Variants in TRHDE observed in about 807,000 individuals in gnomAD.
TRHDE encodes thyrotropin-releasing hormone-degrading ectoenzyme.
TRHDE carries 72 observed loss-of-function variants against 125.7 expected under a neutral mutation model. That is an observed-to-expected ratio of 0.57 (90% CI 0.47 to 0.70). The LOEUF (loss-of-function observed/expected upper bound fraction) is 0.70, where lower values mean the gene tolerates loss of function less well. Among genes scored for constraint, TRHDE ranks in the 30% least tolerant of loss-of-function variants. The pLI is 0.00. For synonymous variants in TRHDE, 509 were observed against 509.1 expected (o/e 1.00, Z 0.00); for missense variants, 1,110 against 1,327.1 (o/e 0.84, Z 2.54).
rs532340976 is a variant in TRHDE, at chr12:72,361,428, G to A, written c.1189-16567G>A. On this transcript the variant is annotated intron_variant, in intron 2 of 18. Transcript: ENST00000261180. ...ACATTTGTTGGAAAGATGCAATAAAGTGTAAAAGATAAAAAATATCCAAAG... is the reference window on the plus strand; with the variant it reads ...ACATTTGTTGGAAAGATGCAATAAAATGTAAAAGATAAAAAATATCCAAAG... Among the ~76,000 whole-genome samples, 5 of 151,824 alleles carry A rather than the reference G, an allele frequency of 3.3e-5. No homozygotes were observed. The South Asian group carries it at 1.0e-3, about 32-fold the overall frequency.
At chr12:72,161,183 C>G (rs1876628130) in intron 2 of TRHDE, among the ~76,000 whole-genome samples, 1 of 152,034 alleles carries the variant, frequency 6.6e-6, no homozygotes, top group South Asian at 2.1e-4. Flanking sequence ...ACCTGTAATC[C>G]CAGCACTTTG....
chr12:72,452,831 T>TC (rs559770289), intron 3 of TRHDE, among the ~76,000 whole-genome samples: 58 of 152,152 alleles, frequency 3.8e-4, no homozygotes, highest in Admixed American at 3.0e-3. Flanking sequence ...ACATGCCTAC[T>TC]CCCCCTTTGC....
chr12:72,623,107 A>T (rs931788971), intron 15 of TRHDE, among the ~76,000 whole-genome samples: 2 of 151,966 alleles, frequency 1.3e-5, no homozygotes, highest in African/African-American at 2.4e-5. Context: ...ACCTCCTTCA[A>T]TTCTACCACG....
Position 72,380,204 on chromosome 12 carries a change from C to T in TRHDE, c.1315+2083C>T, listed in dbSNP as rs116093744. On this transcript the variant is annotated intron_variant, in intron 3 of 18. Transcript: ENST00000261180. ...CCCTAATTTGATCTATAAGCATTTA[C>T]TGAGTGCCTACCGTGGACATTTTTC... Among the ~76,000 whole-genome samples, 656 of 152,280 alleles carry T rather than the reference C, an allele frequency of 4.3e-3. 2 individuals are homozygous for T. The highest frequency in any genetic ancestry group is 0.015 in the African/African-American group (606 of 41,562).
At chr12:72,613,766 G>C (rs1218046282) in intron 12 of TRHDE, among the ~76,000 whole-genome samples, 1 of 152,166 alleles carries the variant, frequency 6.6e-6, no homozygotes, top group Non-Finnish European at 1.5e-5. Flanking sequence ...AAGAGAAGGA[G>C]CAGAAGGAGG....
chr12:72,656,628 G>A (rs1386815412), intron 17 of TRHDE, among the ~76,000 whole-genome samples: 11 of 152,060 alleles, frequency 7.2e-5, no homozygotes, highest in Admixed American at 6.6e-4. Flanking sequence ...CCTTGGCTTG[G>A]AAATATACTG....
At chr12:72,128,089 T>C (rs1295959917) in intron 2 of TRHDE, among the ~76,000 whole-genome samples, 1 of 152,110 alleles carries the variant, frequency 6.6e-6, no homozygotes, top group Non-Finnish European at 1.5e-5. Flanking sequence ...AGCATATGTA[T>C]GAAGGAATTA....
chr12:72,245,246 T>C (rs915181526), intron 2 of TRHDE, among the ~76,000 whole-genome samples: 1 of 131,510 alleles, frequency 7.6e-6, no homozygotes, highest in Admixed American at 8.4e-5. Context: ...TGTGTGTATG[T>C]GTGTGTGTGT....
At chr12:72,260,101 C>T (rs1175440918) in intron 2 of TRHDE, among the ~76,000 whole-genome samples, 1 of 152,116 alleles carries the variant, frequency 6.6e-6, no homozygotes, top group Non-Finnish European at 1.5e-5. Flanking sequence ...TCCACAAAAT[C>T]ATGGTTTACT....
chr12:72,547,587 G>C (rs193000009), intron 7 of TRHDE, among the ~76,000 whole-genome samples: 13 of 151,834 alleles, frequency 8.6e-5, no homozygotes, highest in African/African-American at 2.9e-4. Flanking sequence ...ACAACTGTAG[G>C]ATCCTCATTC....
At position 72,267,176 on chromosome 12, in the gene TRHDE, G is replaced by T. The variant is rs374818708; in HGVS notation, n.280-110819G>T. 2.0e-5 allele frequency among the ~76,000 whole-genome samples: 3 copies of T among 152,048 alleles called. No homozygotes were observed. In the East Asian group the frequency reaches 5.8e-4, roughly 29 times the overall value. On this transcript the variant is annotated intron_variant and non_coding_transcript_variant, in intron 2 of 4. Transcript: ENST00000548156. ...TAATTTCTATTGTTTGTAGACTTTG[G>T]TCTATATTATGTTTGCAGGTTTCAT...
At chr12:72,253,897 G>A (rs1280108808) in intron 2 of TRHDE, 1 of 151,868 alleles carries the variant, frequency 6.6e-6, no homozygotes, top group African/African-American at 2.4e-5. Flanking sequence ...GGAAAGCCAG[G>A]TGTCAGTCAT....
chr12:72,260,046 C>A (rs960939398), intron 2 of TRHDE, among the ~76,000 whole-genome samples: 15 of 152,182 alleles, frequency 9.9e-5, no homozygotes, highest in Non-Finnish European at 2.2e-4. Flanking sequence ...ATGGCACATA[C>A]TTTCTATGCA....
intron 6 of TRHDE, among the ~76,000 whole-genome samples, chr12:72,520,142 G>A (rs1340487463): frequency 1.3e-5 from 2 of 152,214 alleles, no homozygotes; most frequent in East Asian, 3.9e-4. Flanking sequence ...AGGCAGGCAG[G>A]CCTCCTTGAG....
At chr12:72,255,632 C>A (rs565949212) in intron 2 of TRHDE, 1 of 152,190 alleles carries the variant, frequency 6.6e-6, no homozygotes, top group Non-Finnish European at 1.5e-5. Context: ...GAACAATCCC[C>A]GGGCTGTTCC....
At chr12:72,364,524 C>T (rs184553116) in intron 2 of TRHDE, among the ~76,000 whole-genome samples, 16 of 152,058 alleles carry the variant, frequency 1.1e-4, no homozygotes, top group African/African-American at 3.4e-4. Context: ...ACTCTATGTC[C>T]TCAGCACCTA....
intron 2 of TRHDE, among the ~76,000 whole-genome samples, chr12:72,311,643 T>C (rs4760759): frequency 0.12 from 18,614 of 152,174 alleles, 2,104 homozygotes; most frequent in African/African-American, 0.3. Flanking sequence ...AGTTAATCTG[T>C]ATGATGAGAA....
intron 7 of TRHDE, among the ~76,000 whole-genome samples, chr12:72,545,877 C>A (rs1363429082): frequency 6.6e-6 from 1 of 151,458 alleles, no homozygotes; most frequent in Admixed American, 6.6e-5. Flanking sequence ...AGTGTAAATT[C>A]CATCTTCTAA....
chr12:72,311,823 G>A (rs143642506), intron 2 of TRHDE, among the ~76,000 whole-genome samples: 1 of 152,210 alleles, frequency 6.6e-6, no homozygotes, highest in Admixed American at 6.5e-5. Flanking sequence ...AACATATGGG[G>A]GAGAATGAAA....
Sources: gnomAD v4.1 joint callset for allele counts (sites outside exome capture counted in the v4.1 genomes callset) on GRCh38, gnomAD v4.1.1 for gene constraint, MANE v1.5 for transcripts, NCBI Gene and HGNC (gene_info 2026-07-23, HGNC 2026-07-21) for gene names.